CLC: variants seen among roughly 807,000 people sequenced by gnomAD.
CLC encodes galectin-10.
In CLC, 15 loss-of-function variants were observed where a neutral mutation model predicts 13.9. That is an observed-to-expected ratio of 1.08 (90% CI 0.72 to 1.66). The LOEUF (loss-of-function observed/expected upper bound fraction) is 1.66, where lower values mean the gene tolerates loss of function less well. Ranked by LOEUF, CLC falls within the 40% of genes most tolerant of loss-of-function variation. The pLI, the probability that CLC is intolerant of heterozygous loss-of-function variation, is 0.00. For synonymous variants in CLC, 68 were observed against 59.9 expected, an observed-to-expected ratio of 1.14 and a Z score of -0.63; for missense variants, 161 against 169.1, an observed-to-expected ratio of 0.95 and a Z score of 0.27.
chr19:39,734,101 T>C, intron 3 of CLC, 182 bp downstream of exon 3: 1 of 983,314 alleles, frequency 1.0e-6, no homozygotes, highest in Non-Finnish European at 1.2e-6. Context: ...GGAACCCCTG[T>C]GTGTGTGATA....
At chr19:39,735,559 T>C (rs572099842) in intron 1 of CLC, among the ~76,000 whole-genome samples, 63 of 152,298 alleles carry the variant, frequency 4.1e-4, no homozygotes, top group Non-Finnish European at 7.9e-4. Flanking sequence ...CAAGGGATCC[T>C]CTTGTCTCAG....
rs1170817151 is a variant in CLC, at chr19:39,734,379, A to G, written c.207T>C (p.Tyr69=). ...ATTCCACCTGCTGCTTCCAGGCCCC[A>G]TACTCACGGCTGTTCATGACCACAC... ...GRRVVMNSRE[Y]GAWKQQVESK... Residue 69 remains tyrosine, a synonymous_variant, in exon 3 of 4, where the codon TAT becomes TAC. Coordinates refer to ENST00000221804, the MANE Select transcript of CLC (RefSeq NM_001828.6). 1 of 1,614,102 alleles carries G rather than the reference A, an allele frequency of 6.2e-7. No homozygotes were observed.
intron 3 of CLC, 46 bp downstream of exon 3, chr19:39,734,237 T>C: frequency 6.3e-7 from 1 of 1,583,862 alleles, no homozygotes; most frequent in Non-Finnish European, 8.6e-7. Context: ...CCTCCTGCTC[T>C]GAGATCCCAT....
At chr19:39,734,621 G>T (rs1043236765) in intron 2 of CLC, 128 bp from the exon 3 acceptor site, 2 of 745,324 alleles carry the variant, frequency 2.7e-6, no homozygotes, top group East Asian at 2.7e-5. Flanking sequence ...CCTTGTCATT[G>T]TGGGGCTGCT....
At chr19:39,735,225 C>G in intron 1 of CLC, 152 bp from the exon 2 acceptor site, 1 of 611,126 alleles carries the variant, frequency 1.6e-6, no homozygotes, top group Non-Finnish European at 2.9e-6. Flanking sequence ...CCGTATTTTT[C>G]AAAACAATGG....
intron 1 of CLC, among the ~76,000 whole-genome samples, chr19:39,737,191 C>T (rs1187615682): frequency 6.6e-6 from 1 of 151,754 alleles, no homozygotes; most frequent in Non-Finnish European, 1.5e-5. Context: ...TCACTGTGTG[C>T]AGATTCCACC....
rs901740803 is a variant in CLC, at chr19:39,736,014, G to A, written c.16-941C>T. Among the ~76,000 whole-genome samples the A allele has an allele frequency of 2.6e-5, 4 of 152,174 alleles. No homozygotes were observed. In the East Asian group the frequency reaches 7.7e-4, roughly 29 times the overall value. On this transcript the variant is annotated intron_variant, in intron 1 of 3. Coordinates refer to ENST00000221804, the MANE Select transcript of CLC (RefSeq NM_001828.6). ...TGTTTACTTGGCTAAAATCTGGTGA[G>A]TAAAGTGTTTCTGTTTGTTTGGTGA...
rs1568500917 is a variant in CLC, at chr19:39,734,385, AC to A, written c.200del (p.Arg67LeufsTer25). 6.2e-7 allele frequency: 1 copy of A among 1,614,086 alleles called. No homozygotes were observed. Among genetic ancestry groups the A allele is most frequent in the East Asian group, 2.2e-5 (1 of 44,880 alleles). ...CCTGCTGCTTCCAGGCCCCATACTC[AC>A]GGCTGTTCATGACCACACGACGACC... Reference protein sequence around the residue: ...CFGRRVVMNSREYGAWKQQVE... With the variant: ...CFGRRVVMNSXEYGAWKQQVE... On this transcript the variant is annotated frameshift_variant, in exon 3 of 4. Coordinates refer to ENST00000221804, the MANE Select transcript of CLC (RefSeq NM_001828.6). LOFTEE classifies it high-confidence loss of function.
chr19:39,737,517 C>A (rs769511639), intron 1 of CLC, among the ~76,000 whole-genome samples: 41 of 151,938 alleles, frequency 2.7e-4, no homozygotes, highest in Non-Finnish European at 4.6e-4. Context: ...GAGTCACACA[C>A]ACCTGCTCAC....
rs367660651 is a variant in CLC, at chr19:39,732,078, A to AT, written c.304-574dup. 2.4e-3 allele frequency among the ~76,000 whole-genome samples: 43 copies of AT among 18,176 alleles called. 1 individual carries two copies. Among genetic ancestry groups the AT allele is most frequent in the Middle Eastern group, 0.023 (1 of 44 alleles). The allele number at this position is 18,176 out of a possible 152,430, so 11.9% of individuals were successfully genotyped here. On this transcript the variant is annotated intron_variant, in intron 3 of 3. Transcript: ENST00000221804. The stretch of plus-strand genomic sequence containing the variant: ...TTTATGGTTATTAAATTATTTATTT[A>AT]TTATTTATTTTTTTTATTATACTTT...
In CLC at chr19:39,734,372, A is replaced by G. The variant is rs1184404487; in HGVS notation, c.214T>C (p.Trp72Arg). ...VVMNSREYGA[W>R]KQQVESKNMP... is the part of the protein sequence containing the mutation. ...TTCTTGGATTCCACCTGCTGCTTCC[A>G]GGCCCCATACTCACGGCTGTTCATG... The change falls in exon 3 of 4, where the codon TGG (tryptophan) becomes CGG (arginine). Residue 72 changes from tryptophan (W) to arginine (R), a missense_variant. By Grantham distance (101) the Trp-to-Arg change is moderately radical (BLOSUM62 -3). Coordinates refer to ENST00000221804, the MANE Select transcript of CLC (RefSeq NM_001828.6). 6.2e-7 allele frequency: 1 copy of G among 1,614,104 alleles called. No individual in the cohort carries two copies. The highest frequency in any genetic ancestry group is 8.5e-7 in the Non-Finnish European group (1 of 1,179,994).
chr19:39,734,343 C>A lies in CLC; in HGVS notation c.243G>T (p.Met81Ile). The change falls in exon 3 of 4, where the codon ATG (methionine) becomes ATT (isoleucine). Residue 81 changes from methionine (M) to isoleucine (I), a missense_variant. Met to Ile is a conservative substitution (Grantham distance 10, BLOSUM62 1). Transcript: ENST00000221804. ...CAAATTCTTGGCCATCCTGAAAGGG[C>A]ATATTCTTGGATTCCACCTGCTGCT... is the stretch of plus-strand genomic sequence containing the variant. ...AWKQQVESKN[M>I]PFQDGQEFEL... 1 of 1,614,086 alleles carries A rather than the reference C, an allele frequency of 6.2e-7. No individual in the cohort carries two copies. Among genetic ancestry groups the A allele is most frequent in the Non-Finnish European group, 8.5e-7 (1 of 1,179,972 alleles).
At position 39,734,484 on chromosome 19, in the gene CLC, T is replaced by C; in HGVS notation, c.102A>G (p.Pro34=). 3 of 1,613,996 alleles carry C rather than the reference T, an allele frequency of 1.9e-6. No homozygotes were observed. The highest frequency in any genetic ancestry group is 2.2e-5 in the South Asian group (2 of 91,084). ...CAGTGTGGAAATCCACCTGCAGATATGGTTCATTCCTGAGGGCAGAGCACA... is the reference window on the plus strand; with the variant it reads ...CAGTGTGGAAATCCACCTGCAGATACGGTTCATTCCTGAGGGCAGAGCACA... ...GRPLACFLNE[P]YLQVDFHTEM... Residue 34 remains proline (P), a synonymous_variant, in exon 3 of 4, where the codon CCA becomes CCG. Transcript: ENST00000221804.
chr19:39,731,307 A>C lies in CLC; in HGVS notation c.*73T>G. ...GGAGTAAGGATTGAAGTGAGAAAAGATCATGCTGTTAGCTGGCTTTGGAAT... is the reference window on the plus strand; with the variant it reads ...GGAGTAAGGATTGAAGTGAGAAAAGCTCATGCTGTTAGCTGGCTTTGGAAT... On this transcript the variant is annotated 3_prime_UTR_variant, in exon 4 of 4. Transcript: ENST00000221804. The C allele has an allele frequency of 6.8e-7, 1 of 1,480,570 alleles. No homozygotes were observed. The highest frequency in any genetic ancestry group is 2.3e-5 in the East Asian group (1 of 44,008). 91.7% of individuals were successfully genotyped at this position (1,480,570 alleles called of 1,614,324 possible).
chr19:39,734,118 C>T (rs1384455712), intron 3 of CLC, 165 bp downstream of exon 3: 1 of 972,698 alleles, frequency 1.0e-6, no homozygotes, highest in East Asian at 1.1e-4. Context: ...GATAAAAAGC[C>T]TGGGACAGGG....
chr19:39,731,255 T>C lies in CLC; in HGVS notation c.*125A>G. 1 of 1,086,434 alleles carries C rather than the reference T, an allele frequency of 9.2e-7. No homozygotes were observed. Among genetic ancestry groups the C allele is most frequent in the Non-Finnish European group, 1.4e-6 (1 of 734,674 alleles). The allele number at this position is 1,086,434 out of a possible 1,614,324, so 67.3% of individuals were successfully genotyped here. On this transcript the variant is annotated 3_prime_UTR_variant, in exon 4 of 4. Coordinates refer to ENST00000221804, the MANE Select transcript of CLC (RefSeq NM_001828.6). ...CCATGAAAGCAAGAACCAAATTCTGTGAAGTTTGATTAAGTTTTAATGAGC... is the reference window on the plus strand; with the variant it reads ...CCATGAAAGCAAGAACCAAATTCTGCGAAGTTTGATTAAGTTTTAATGAGC...
Position 39,731,336 on chromosome 19 carries a change from A to G in CLC, c.*44T>C, listed in dbSNP as rs1355792600. 1.9e-6 allele frequency: 3 copies of G among 1,602,310 alleles called. No homozygotes were observed. The highest frequency in any genetic ancestry group is 2.2e-5 in the East Asian group (1 of 44,734). The stretch of plus-strand genomic sequence containing the variant: ...TGCTGTTAGCTGGCTTTGGAATCCC[A>G]AGTTCACGTAGAGACAGGGATTCCT... On this transcript the variant is annotated 3_prime_UTR_variant, in exon 4 of 4. Coordinates refer to ENST00000221804, the MANE Select transcript of CLC (RefSeq NM_001828.6).
chr19:39,735,115 T>A (rs772340780), intron 1 of CLC, 42 bp from the exon 2 acceptor site: 8 of 1,413,096 alleles, frequency 5.7e-6, no homozygotes, highest in South Asian at 2.3e-5. Flanking sequence ...CAGGGCCAGG[T>A]GTGGCCTCCC....
At chr19:39,734,230 C>T in intron 3 of CLC, 53 bp downstream of exon 3, 1 of 1,575,102 alleles carries the variant, frequency 6.3e-7, no homozygotes, top group Non-Finnish European at 8.7e-7. Flanking sequence ...AGAGCTGCCT[C>T]CTGCTCTGAG....
Sources: allele counts gnomAD v4.1 joint callset (sites outside exome capture counted in the v4.1 genomes callset), GRCh38; gene constraint gnomAD v4.1.1; transcripts MANE v1.5; gene names NCBI Gene and HGNC (gene_info 2026-07-23, HGNC 2026-07-21).